The following CDH4 variants were observed in gnomAD, a reference collection of about 807,000 sequenced individuals.
CDH4 encodes the protein cadherin-4.
In CDH4, 33 loss-of-function variants were observed where a neutral mutation model predicts 86.0. The observed-to-expected ratio is 0.38, with a 90% CI of 0.29 to 0.51. CDH4 has a LOEUF of 0.51. Ranked by LOEUF, CDH4 falls within the 20% of genes least tolerant of loss-of-function variation. The pLI, the probability that CDH4 is intolerant of heterozygous loss-of-function variation, is 0.86. For synonymous variants in CDH4, 555 were observed against 549.4 expected, an observed-to-expected ratio of 1.01 and a Z score of -0.14; for missense variants, 1,114 against 1,307.4, an observed-to-expected ratio of 0.85 and a Z score of 2.28.
intron 2 of CDH4, among the ~76,000 whole-genome samples, chr20:61,589,198 A>G (rs528228936): frequency 6.6e-6 from 1 of 152,342 alleles, no homozygotes; most frequent in African/African-American, 2.4e-5. Context: ...ACTTTTGCCA[A>G]ATAGGCTTCC....
intron 2 of CDH4, among the ~76,000 whole-genome samples, chr20:61,644,419 G>C (rs2087040684): frequency 6.6e-6 from 1 of 152,206 alleles, no homozygotes; most frequent in East Asian, 1.9e-4. Context: ...GAACCCGCCT[G>C]GTGCCTTCGA....
At chr20:61,610,604 A>G (rs2086677844) in intron 2 of CDH4, among the ~76,000 whole-genome samples, 1 of 151,960 alleles carries the variant, frequency 6.6e-6, no homozygotes, top group Admixed American at 6.6e-5. Flanking sequence ...GTCCTACCTC[A>G]TGTTCCCTGC....
intron 2 of CDH4, among the ~76,000 whole-genome samples, chr20:61,303,546 C>T (rs1962267249): frequency 6.6e-6 from 1 of 152,224 alleles, no homozygotes; most frequent in Non-Finnish European, 1.5e-5. Context: ...CCCAGCAAGG[C>T]TGCAGCAGCA....
chr20:61,828,873 C>T (rs1040411756), intron 4 of CDH4, among the ~76,000 whole-genome samples: 1 of 152,240 alleles, frequency 6.6e-6, no homozygotes, highest in Non-Finnish European at 1.5e-5. Flanking sequence ...ACAATTTTCC[C>T]ATGGACCCAG....
intron 2 of CDH4, among the ~76,000 whole-genome samples, chr20:61,615,360 G>T (rs985842187): frequency 6.6e-6 from 1 of 151,048 alleles, no homozygotes; most frequent in African/African-American, 2.5e-5. Context: ...GACCTCTGGT[G>T]ATCCACCCAC....
chr20:61,364,293 G>A lies in CDH4; in HGVS notation c.169+109356G>A, dbSNP rs368517524. Among the ~76,000 whole-genome samples, 13 of 152,292 alleles carry A rather than the reference G, an allele frequency of 8.5e-5. No individual in the cohort carries two copies. The East Asian group carries it at 1.5e-3, about 18-fold the overall frequency. ...GAAGCTGGTAGAGACACAAGCCGTG[G>A]GGGTGGAGCCATTGGGAGGACTCTT... On this transcript the variant is annotated intron_variant, in intron 2 of 15. Transcript: ENST00000614565.
chr20:61,384,693 T>C (rs1448641362), intron 2 of CDH4, among the ~76,000 whole-genome samples: 1 of 152,230 alleles, frequency 6.6e-6, no homozygotes, highest in Admixed American at 6.5e-5. Context: ...GCTCAGCTAC[T>C]AATCCTACCC....
intron 2 of CDH4, chr20:61,718,449 A>G (rs6121460): frequency 0.13 from 32,293 of 244,732 alleles, 3,050 homozygotes; most frequent in South Asian, 0.31. Context: ...CCCAACACAG[A>G]AGGAGGCAGG....
rs371365891 is a variant in CDH4, at chr20:61,601,553, C to T, written c.170-142010C>T. 3.8e-3 allele frequency among the ~76,000 whole-genome samples: 578 copies of T among 152,308 alleles called. 3 individuals carry two copies. The highest frequency in any genetic ancestry group is 0.013 in the African/African-American group (546 of 41,578). On this transcript the variant is annotated intron_variant, in intron 2 of 15. Transcript: ENST00000614565. ...ACCCTCGGCCCTGCTCTTCCCGGGG[C>T]CTGTTCAGATGCCCGCCCGCTGCCC...
intron 2 of CDH4, among the ~76,000 whole-genome samples, chr20:61,366,264 G>C (rs2123327364): frequency 6.6e-6 from 1 of 152,318 alleles, no homozygotes; most frequent in East Asian, 1.9e-4. Context: ...AGTCCTGGGA[G>C]GTCATTCTAA....
At chr20:61,388,414 G>A (rs977354441) in intron 2 of CDH4, among the ~76,000 whole-genome samples, 1 of 147,266 alleles carries the variant, frequency 6.8e-6, no homozygotes, top group Non-Finnish European at 1.5e-5. Context: ...TGCACTGTGC[G>A]GCGAGCCACT....
chr20:61,409,642 G>A (rs761030576), intron 2 of CDH4, among the ~76,000 whole-genome samples: 2 of 152,234 alleles, frequency 1.3e-5, no homozygotes, highest in African/African-American at 2.4e-5. Flanking sequence ...AGGCAGAGCC[G>A]CTGCGTGTGA....
Position 61,556,013 on chromosome 20 carries a change from C to T in CDH4, c.170-187550C>T, listed in dbSNP as rs920584375. Among the ~76,000 whole-genome samples the T allele has an allele frequency of 8.5e-5, 13 of 152,128 alleles. 1 individual carries two copies. Among genetic ancestry groups the T allele is most frequent in the African/African-American group, 2.7e-4 (11 of 41,422 alleles). ...CGCCCTGTGGCTCTGAGCACGAAGC[C>T]GCCCTCTCTCTGCTCCGGTGCACCC... On this transcript the variant is annotated intron_variant, in intron 2 of 15. Coordinates refer to ENST00000614565, the MANE Select transcript of CDH4 (RefSeq NM_001794.5).
rs370621824 is a variant in CDH4, at chr20:61,932,966, G to A, written c.2240-19G>A. The stretch of plus-strand genomic sequence containing the variant: ...CACACCCGCAGCACACCCTGCTCAC[G>A]GGCAGCCCTCCCCCACAGCCATGGT... On this transcript the variant is annotated intron_variant, in intron 13 of 15. Transcript: ENST00000614565. The A allele has an allele frequency of 7.6e-5, 123 of 1,608,188 alleles. No individual in the cohort carries two copies. The highest frequency in any genetic ancestry group is 4.4e-4 in the African/African-American group (33 of 74,998).
chr20:61,752,092 G>C (rs2088504032), intron 3 of CDH4, among the ~76,000 whole-genome samples: 1 of 152,204 alleles, frequency 6.6e-6, no homozygotes, highest in Non-Finnish European at 1.5e-5. Flanking sequence ...AGCACTTTGG[G>C]AGGCCAAGGT....
chr20:61,884,587 C>T (rs1324479915), intron 7 of CDH4, among the ~76,000 whole-genome samples: 1 of 152,128 alleles, frequency 6.6e-6, no homozygotes, highest in Non-Finnish European at 1.5e-5. Context: ...CAGCGAGGGG[C>T]TCCATGCTCA....
chr20:61,435,587 G>A (rs73318332), intron 2 of CDH4: 11,214 of 152,490 alleles, frequency 0.074, 676 homozygotes, highest in African/African-American at 0.16. Context: ...GAGGAAGTAG[G>A]AGAATCATCC....
intron 2 of CDH4, among the ~76,000 whole-genome samples, chr20:61,344,000 G>T (rs929722867): frequency 5.9e-5 from 9 of 152,166 alleles, no homozygotes; most frequent in African/African-American, 1.9e-4. Flanking sequence ...CCTACGTGAA[G>T]AATGAAGAGG....
At chr20:61,383,003 G>A (rs930113386) in intron 2 of CDH4, among the ~76,000 whole-genome samples, 1 of 148,624 alleles carries the variant, frequency 6.7e-6, no homozygotes, top group Non-Finnish European at 1.5e-5. Context: ...TGTGTATCAT[G>A]GTGGGGGAGT....
Sources: gnomAD v4.1 joint callset for allele counts (sites outside exome capture counted in the v4.1 genomes callset) on GRCh38, gnomAD v4.1.1 for gene constraint, MANE v1.5 for transcripts, NCBI Gene and HGNC (gene_info 2026-07-23, HGNC 2026-07-21) for gene names.